NBAS: variants seen among roughly 807,000 people sequenced by gnomAD.
NBAS encodes NAG/BC035112 fusion.
In NBAS, 219 loss-of-function variants were observed where a neutral mutation model predicts 302.5. The ratio of observed to expected loss-of-function variants is 0.72; its 90% CI spans 0.65 to 0.81. The LOEUF (loss-of-function observed/expected upper bound fraction) is 0.81. NBAS is among the 30% of genes least tolerant of loss of function. NBAS has a pLI of 0.00. For missense variants in NBAS, 2,932 were observed against 2,841.6 expected (o/e 1.03, Z -0.72); for synonymous variants, 1,118 against 1,021.6 (o/e 1.09, Z -1.80).
the NBAS span, among the ~76,000 whole-genome samples, chr2:14,940,641 CTCT>C: frequency 6.6e-6 from 1 of 152,230 alleles, no homozygotes; most frequent in African/African-American, 2.4e-5. Context: ...CTACCTAAAT[CTCT>C]TCTTCTCCAT....
chr2:14,897,106 G>T, the NBAS span, among the ~76,000 whole-genome samples: 2 of 151,586 alleles, frequency 1.3e-5, no homozygotes, highest in African/African-American at 4.9e-5. Flanking sequence ...AAAAACGAAG[G>T]CCTCCAGGAA....
chr2:14,808,627 G>A, the NBAS span, among the ~76,000 whole-genome samples: 10 of 152,198 alleles, frequency 6.6e-5, no homozygotes, highest in Admixed American at 2.6e-4. Flanking sequence ...GGAACTGAAA[G>A]TAAATTGCCC....
At chr2:15,521,225 G>A (rs1662655040) in intron 9 of NBAS, among the ~76,000 whole-genome samples, 1 of 152,110 alleles carries the variant, frequency 6.6e-6, no homozygotes, top group Non-Finnish European at 1.5e-5. Flanking sequence ...CGACCCAGCT[G>A]GCACAGATGA....
At chr2:14,840,550 A>G in the NBAS span, among the ~76,000 whole-genome samples, 2 of 152,064 alleles carry the variant, frequency 1.3e-5, no homozygotes, top group Non-Finnish European at 2.9e-5. Context: ...CAAATAACAC[A>G]TAAAGGAGCT....
At chr2:15,114,694 C>T in the NBAS span, among the ~76,000 whole-genome samples, 1 of 152,146 alleles carries the variant, frequency 6.6e-6, no homozygotes, top group Non-Finnish European at 1.5e-5. Flanking sequence ...CTGTGATTGA[C>T]AGGTGCACGT....
chr2:14,806,040 C>T, the NBAS span, among the ~76,000 whole-genome samples: 1 of 152,184 alleles, frequency 6.6e-6, no homozygotes, highest in Non-Finnish European at 1.5e-5. Flanking sequence ...TTATTACATG[C>T]TGGAGATCAG....
intron 32 of NBAS, among the ~76,000 whole-genome samples, chr2:15,358,634 A>C (rs1673743179): frequency 6.6e-6 from 1 of 152,080 alleles, no homozygotes; most frequent in Non-Finnish European, 1.5e-5. Context: ...TTGTACAAAC[A>C]GGGTCTTGCT....
chr2:15,377,448 A>G lies in NBAS; in HGVS notation c.3590+2154T>C, dbSNP rs1674798972. The stretch of plus-strand genomic sequence containing the variant: ...CAATTCCACTTTGCATTATCCATCT[A>G]CAACAGGCACAGTTCTAACTATTTT... On this transcript the variant is annotated intron_variant, in intron 30 of 51. Coordinates refer to ENST00000281513, the MANE Select transcript of NBAS (RefSeq NM_015909.4). 1.3e-5 allele frequency among the ~76,000 whole-genome samples: 2 copies of G among 152,206 alleles called. 1 individual carries two copies. Among genetic ancestry groups the G allele is most frequent in the South Asian group, 4.1e-4 (2 of 4,830 alleles).
the NBAS span, among the ~76,000 whole-genome samples, chr2:15,010,873 C>A: frequency 6.6e-6 from 1 of 152,156 alleles, no homozygotes; most frequent in African/African-American, 2.4e-5. Flanking sequence ...TGTGATTTCA[C>A]ACTAACATAA....
chr2:15,347,583 C>T (rs1403354638), intron 35 of NBAS, among the ~76,000 whole-genome samples: 2 of 152,210 alleles, frequency 1.3e-5, no homozygotes, highest in East Asian at 3.8e-4. Context: ...TCTGTAGCCA[C>T]TTAAAATGCT....
At chr2:14,953,533 C>T in the NBAS span, among the ~76,000 whole-genome samples, 1 of 152,182 alleles carries the variant, frequency 6.6e-6, no homozygotes, top group African/African-American at 2.4e-5. Context: ...TCCCCTAGCC[C>T]CATGGAGTGG....
chr2:15,046,415 G>A, the NBAS span, among the ~76,000 whole-genome samples: 7 of 151,944 alleles, frequency 4.6e-5, no homozygotes, highest in Non-Finnish European at 1.0e-4. Context: ...TTTAATCATT[G>A]TACACACATA....
Position 15,536,793 on chromosome 2 carries a change from C to A in NBAS, c.514-242G>T, listed in dbSNP as rs529023118. The stretch of plus-strand genomic sequence containing the variant: ...CAGCAGCCCCTTTGAAGAAGATGTT[C>A]ACCTACATAGGAAATTTCTATTCAA... On this transcript the variant is annotated intron_variant, in intron 7 of 51. Transcript: ENST00000281513. Among the ~76,000 whole-genome samples the A allele has an allele frequency of 7.6e-4, 115 of 152,206 alleles. 1 individual carries two copies. The highest frequency in any genetic ancestry group is 6.8e-3 in the Middle Eastern group (2 of 294).
At chr2:15,316,764 A>C (rs937315185) in intron 38 of NBAS, among the ~76,000 whole-genome samples, 2 of 152,200 alleles carry the variant, frequency 1.3e-5, no homozygotes, top group African/African-American at 4.8e-5. Context: ...AGCAAGGACT[A>C]CTGCCTCTAC....
At position 15,383,211 on chromosome 2, in the gene NBAS, T is replaced by A. The variant is rs1446383420; in HGVS notation, c.3360+4A>T. On this transcript the variant is annotated splice_donor_region_variant and intron_variant, in intron 29 of 51. Coordinates refer to ENST00000281513, the MANE Select transcript of NBAS (RefSeq NM_015909.4). Reference sequence around the variant, plus strand: ...AAAAAAATCGTATATGGTTCTAGAGTTACCTCATAGCAGGCATCAGAATCT... The same window carrying A: ...AAAAAAATCGTATATGGTTCTAGAGATACCTCATAGCAGGCATCAGAATCT... The A allele has an allele frequency of 1.2e-6, 2 of 1,610,766 alleles. No individual in the cohort carries two copies. Among genetic ancestry groups the A allele is most frequent in the East Asian group, 2.2e-5 (1 of 44,830 alleles).
At chr2:15,190,555 T>A in intron 48 of NBAS, 152 bp from the exon 49 acceptor site, 1 of 861,172 alleles carries the variant, frequency 1.2e-6, no homozygotes, top group Non-Finnish European at 1.8e-6. Context: ...TCAAAAGCTC[T>A]AAGCCTTACT....
chr2:15,309,615 T>C (rs1384008056), intron 38 of NBAS, among the ~76,000 whole-genome samples: 3 of 152,170 alleles, frequency 2.0e-5, no homozygotes, highest in Non-Finnish European at 1.5e-5. Context: ...AGGGTGATAA[T>C]ATGAGTACTA....
chr2:15,070,566 G>A, the NBAS span, among the ~76,000 whole-genome samples: 1 of 152,046 alleles, frequency 6.6e-6, no homozygotes, highest in African/African-American at 2.4e-5. Context: ...CCAGGCCAAA[G>A]GCAAGTTTCC....
intron 48 of NBAS, among the ~76,000 whole-genome samples, chr2:15,201,866 C>T (rs1163692090): frequency 6.6e-6 from 1 of 152,182 alleles, no homozygotes; most frequent in Admixed American, 6.5e-5. Context: ...TCTGAAGGTT[C>T]AAACAATTGT....
Sources: gnomAD v4.1 joint callset for allele counts (sites outside exome capture counted in the v4.1 genomes callset) on GRCh38, gnomAD v4.1.1 for gene constraint, MANE v1.5 for transcripts, NCBI Gene and HGNC (gene_info 2026-07-23, HGNC 2026-07-21) for gene names.